SLC30A8: variants seen among roughly 807,000 people sequenced by gnomAD.
The protein encoded by SLC30A8 is solute carrier family 30 member 8, also known as proton-coupled zinc antiporter SLC30A8.
A neutral mutation model predicts 36.9 loss-of-function variants in SLC30A8; 27 were observed. The ratio of observed to expected loss-of-function variants is 0.73; its 90% CI spans 0.54 to 1.01. SLC30A8 has a LOEUF of 1.01. Ranked by LOEUF, SLC30A8 falls within the 50% of genes least tolerant of loss-of-function variation. SLC30A8 has a pLI of 0.00. For synonymous variants in SLC30A8, 164 were observed against 172.4 expected, an observed-to-expected ratio of 0.95 and a Z score of 0.38; for missense variants, 439 against 452.0, an observed-to-expected ratio of 0.97 and a Z score of 0.26.
chr8:117,017,014 G>A (rs1323351363), intron 1 of SLC30A8, among the ~76,000 whole-genome samples: 2 of 152,164 alleles, frequency 1.3e-5, no homozygotes, highest in East Asian at 3.9e-4. Flanking sequence ...TAGAGTGCCT[G>A]GGTTTGTATC....
Position 117,135,400 on chromosome 8 carries a change from T to C in SLC30A8, c.71+2T>C. ...GATGTATGCTTTCACACTAGAAAGG[T>C]AATAGATGTCTGTGTCTGCTTCACA... On this transcript the variant is annotated splice_donor_variant, in intron 1 of 7. Coordinates refer to ENST00000456015, the MANE Select transcript of SLC30A8 (RefSeq NM_173851.3). LOFTEE classifies it high-confidence loss of function. 3.2e-6 allele frequency: 5 copies of C among 1,578,418 alleles called. No individual in the cohort carries two copies. Among genetic ancestry groups the C allele is most frequent in the Non-Finnish European group, 4.3e-6 (5 of 1,157,896 alleles).
chr8:117,038,734 C>T (rs1278776100), intron 1 of SLC30A8, among the ~76,000 whole-genome samples: 2 of 152,162 alleles, frequency 1.3e-5, no homozygotes, highest in Non-Finnish European at 2.9e-5. Flanking sequence ...ATCAACCATG[C>T]TTGAGAGTGT....
At chr8:117,014,681 A>G (rs978542245) in intron 1 of SLC30A8, among the ~76,000 whole-genome samples, 3 of 152,276 alleles carry the variant, frequency 2.0e-5, no homozygotes, top group Admixed American at 6.5e-5. Context: ...GGAACTGATC[A>G]TCAGGCCTTC....
chr8:116,976,822 C>CTTTT (rs763561636), intron 1 of SLC30A8, among the ~76,000 whole-genome samples: 5 of 34,892 alleles, frequency 1.4e-4, no homozygotes, highest in African/African-American at 5.3e-4. Context: ...TTCTTTCTTT[C>CTTTT]TTTTTTTTTT....
chr8:117,018,671 C>CA lies in SLC30A8; in HGVS notation c.-265-20548_-265-20547insA, dbSNP rs1168960523. 5.6e-3 allele frequency among the ~76,000 whole-genome samples: 700 copies of CA among 124,458 alleles called. 7 individuals are homozygous for CA. Among genetic ancestry groups the CA allele is most frequent in the African/African-American group, 0.019 (644 of 33,442 alleles). 81.6% of individuals were successfully genotyped at this position (124,458 alleles called of 152,430 possible). A position where few individuals can be genotyped will look rare whatever the true frequency, so the allele number is the denominator to read the frequency against. ...TGGGCCAAATCTGACTAGCCCCCCC[C>CA]CCCCTTTTTTTTTTTGATGGAGTCT... On this transcript the variant is annotated intron_variant, in intron 1 of 10. Coordinates refer to the SLC30A8 transcript ENST00000427715.
chr8:117,054,400 C>CTA (rs1165388878), intron 2 of SLC30A8, among the ~76,000 whole-genome samples: 6 of 152,132 alleles, frequency 3.9e-5, no homozygotes, highest in African/African-American at 1.4e-4. Context: ...TGTGCCCAGC[C>CTA]TAAATTCTTT....
chr8:116,951,543 A>G (rs73701614), intron 1 of SLC30A8, among the ~76,000 whole-genome samples: 2,217 of 152,120 alleles, frequency 0.015, 61 homozygotes, highest in African/African-American at 0.05. Flanking sequence ...AGTTTCCCCT[A>G]TGACAGCATC....
chr8:117,102,070 GAT>G (rs1819748420), intron 2 of SLC30A8, among the ~76,000 whole-genome samples: 1 of 152,070 alleles, frequency 6.6e-6, no homozygotes, highest in African/African-American at 2.4e-5. Flanking sequence ...TTTCATGCTA[GAT>G]TCCAACTTGT....
chr8:117,146,422 A>AC (rs1299559125), intron 1 of SLC30A8, among the ~76,000 whole-genome samples: 4 of 152,178 alleles, frequency 2.6e-5, no homozygotes, highest in Non-Finnish European at 5.9e-5. Flanking sequence ...CTCTTATCAT[A>AC]ACATTAATAA....
At position 117,172,585 on chromosome 8, in the gene SLC30A8, T is replaced by C; in HGVS notation, c.1014T>C (p.Leu338=). ...QVVRREIAKA[L]SKSFTMHSLT... The stretch of plus-strand genomic sequence containing the variant: ...TTCGGAGAGAAATTGCTAAAGCCCT[T>C]AGCAAAAGCTTTACGATGCACTCAC... Residue 338 remains leucine (L), a synonymous_variant, in exon 8 of 8, where the codon CTT becomes CTC. Transcript: ENST00000456015. The C allele has an allele frequency of 6.2e-7, 1 of 1,613,716 alleles. No homozygotes were observed. The highest frequency in any genetic ancestry group is 1.1e-5 in the South Asian group (1 of 91,082).
chr8:117,090,689 G>T (rs1819079196), intron 2 of SLC30A8, among the ~76,000 whole-genome samples: 1 of 152,182 alleles, frequency 6.6e-6, no homozygotes, highest in Non-Finnish European at 1.5e-5. Context: ...TGGGGATTAA[G>T]ATTTGAGCAT....
intron 2 of SLC30A8, among the ~76,000 whole-genome samples, chr8:117,045,560 A>G (rs1479502099): frequency 6.6e-6 from 1 of 152,164 alleles, no homozygotes; most frequent in Non-Finnish European, 1.5e-5. Context: ...TTGTGGATAA[A>G]CAGGCAGTGT....
At chr8:116,981,666 T>C (rs1815267562) in intron 1 of SLC30A8, among the ~76,000 whole-genome samples, 1 of 152,158 alleles carries the variant, frequency 6.6e-6, no homozygotes, top group South Asian at 2.1e-4. Flanking sequence ...GAACATGTGG[T>C]ATTTGACTTT....
intron 2 of SLC30A8, among the ~76,000 whole-genome samples, chr8:117,060,835 C>CT: frequency 6.6e-6 from 1 of 152,296 alleles, no homozygotes; most frequent in Non-Finnish European, 1.5e-5. Context: ...CCCCAGGTAA[C>CT]TTTGCCTCTC....
intron 1 of SLC30A8, among the ~76,000 whole-genome samples, chr8:116,954,858 T>G (rs2130576632): frequency 6.6e-6 from 1 of 152,028 alleles, no homozygotes; most frequent in East Asian, 1.9e-4. Flanking sequence ...TAAATAAGAG[T>G]AGAAGTCAGT....
chr8:117,165,683 G>A (rs187760063), intron 6 of SLC30A8, among the ~76,000 whole-genome samples: 2 of 152,276 alleles, frequency 1.3e-5, no homozygotes, highest in Non-Finnish European at 2.9e-5. Context: ...AATAACCAGA[G>A]GAGATTTGAC....
At chr8:116,969,305 C>T (rs1319699454) in intron 1 of SLC30A8, among the ~76,000 whole-genome samples, 3 of 152,138 alleles carry the variant, frequency 2.0e-5, no homozygotes, top group African/African-American at 7.2e-5. Flanking sequence ...ATAATCCCAG[C>T]TATTCGGGAG....
intron 1 of SLC30A8, among the ~76,000 whole-genome samples, chr8:117,035,884 G>A (rs777411772): frequency 6.6e-6 from 1 of 152,206 alleles, no homozygotes; most frequent in Non-Finnish European, 1.5e-5. Flanking sequence ...CACAGCTGGA[G>A]CTGGAGCAGC....
intron 1 of SLC30A8, among the ~76,000 whole-genome samples, chr8:117,014,415 AG>A (rs1470568899): frequency 6.6e-6 from 1 of 152,158 alleles, no homozygotes; most frequent in Non-Finnish European, 1.5e-5. Flanking sequence ...ATGGCTGATG[AG>A]TCTGTGGTGG....
Sources: gnomAD v4.1 joint callset for allele counts (sites outside exome capture counted in the v4.1 genomes callset) on GRCh38, gnomAD v4.1.1 for gene constraint, MANE v1.5 for transcripts, NCBI Gene and HGNC (gene_info 2026-07-23, HGNC 2026-07-21) for gene names.